Variants in KRAS observed in about 807,000 individuals in gnomAD.
The protein encoded by KRAS is KRas proto-oncogene, GTPase.
Under a neutral mutation model 21.0 loss-of-function variants are expected in KRAS, and 1 was observed. That is an observed-to-expected ratio of 0.05 (90% CI 0.02 to 0.23). KRAS has a LOEUF of 0.23. Ranked by LOEUF, KRAS falls within the 10% of genes least tolerant of loss-of-function variation. The pLI is 1.00. For synonymous variants in KRAS, 67 were observed against 72.5 expected (o/e 0.92, Z 0.39); for missense variants, 107 against 221.8 (o/e 0.48, Z 3.29).
intron 1 of KRAS, among the ~76,000 whole-genome samples, chr12:25,248,610 A>AG (rs1346105010): frequency 5.9e-5 from 9 of 151,832 alleles, no homozygotes; most frequent in Non-Finnish European, 1.3e-4. Context: ...GTTTCCAGAA[A>AG]AAAAAAAAAT....
At chr12:25,230,101 C>T (rs560915402) in intron 2 of KRAS, among the ~76,000 whole-genome samples, 1 of 152,218 alleles carries the variant, frequency 6.6e-6, no homozygotes, top group South Asian at 2.1e-4. Flanking sequence ...ATGAATTACT[C>T]TGTAGACCAT....
At chr12:25,222,470 C>G (rs2141500119) in intron 4 of KRAS, among the ~76,000 whole-genome samples, 1 of 152,050 alleles carries the variant, frequency 6.6e-6, no homozygotes, top group East Asian at 1.9e-4. Context: ...AATCAAAGAA[C>G]AGAAATTAAA....
At chr12:25,233,477 CAGGA>C (rs1400126998) in intron 2 of KRAS, among the ~76,000 whole-genome samples, 1 of 150,842 alleles carries the variant, frequency 6.6e-6, no homozygotes, top group African/African-American at 2.4e-5. Context: ...CTGCTTGAGC[CAGGA>C]AGGAAGAAAA....
chr12:25,235,172 GT>G lies in KRAS; in HGVS notation c.112-7761del, dbSNP rs916829150. The G allele has an allele frequency of 1.6e-5, 8 of 500,866 alleles. No homozygotes were observed. The Admixed American group carries it at 2.3e-4, about 14-fold the overall frequency. 31.0% of individuals were successfully genotyped at this position (500,866 alleles called of 1,614,324 possible). A position where few individuals can be genotyped will look rare whatever the true frequency, so the allele number is the denominator to read the frequency against. Reference sequence around the variant, plus strand: ...CGGGGATTTCCTCTTGAAATTGTATGTTTTCTTAATGTATTAAGTATTGTAA... The same window carrying G: ...CGGGGATTTCCTCTTGAAATTGTATGTTTCTTAATGTATTAAGTATTGTAA... On this transcript the variant is annotated intron_variant, in intron 2 of 4. Transcript: ENST00000311936.
At chr12:25,231,767 T>C (rs1422562823) in intron 2 of KRAS, among the ~76,000 whole-genome samples, 1 of 152,230 alleles carries the variant, frequency 6.6e-6, no homozygotes, top group African/African-American at 2.4e-5. Context: ...GAGTTAATTT[T>C]AACTAGGGTC....
chr12:25,234,258 G>A (rs1004841941), intron 2 of KRAS: 2 of 176,032 alleles, frequency 1.1e-5, no homozygotes, highest in African/African-American at 4.7e-5. Flanking sequence ...ACATTTATGG[G>A]AGGGAAGAAA....
chr12:25,246,075 G>C (rs1592823972), intron 1 of KRAS, among the ~76,000 whole-genome samples: 1 of 149,776 alleles, frequency 6.7e-6, no homozygotes, highest in Non-Finnish European at 1.5e-5. Flanking sequence ...GGGGAAAATA[G>C]GAGTCCGAGG....
In KRAS at chr12:25,228,178, CTTT is replaced by C. The variant is rs34584556; in HGVS notation, c.112-769_112-767del. Reference sequence around the variant, plus strand: ...GATTTTGGATTTTTTTTTCTTTCATCTTTTTTTTTTTTTTTTTTTTTTTGGAGA... The same window carrying C: ...GATTTTGGATTTTTTTTTCTTTCATCTTTTTTTTTTTTTTTTTTTTGGAGA... On this transcript the variant is annotated intron_variant, in intron 2 of 4. Transcript: ENST00000311936. 2.5e-4 allele frequency among the ~76,000 whole-genome samples: 19 copies of C among 76,778 alleles called. No homozygotes were observed. In the South Asian group the frequency reaches 3.9e-3, roughly 16 times the overall value. The allele number at this position is 76,778 out of a possible 152,430, so 50.4% of individuals were successfully genotyped here. A position where few individuals can be genotyped will look rare whatever the true frequency, so the allele number is the denominator to read the frequency against.
chr12:25,212,442 T>G (rs1392761793), intron 4 of KRAS, among the ~76,000 whole-genome samples: 4 of 152,188 alleles, frequency 2.6e-5, no homozygotes, highest in Non-Finnish European at 5.9e-5. Flanking sequence ...TAAGTAATTT[T>G]GGCCCAGTGC....
chr12:25,209,791 G>A lies in KRAS; in HGVS notation c.*4C>T. ...ATGCCTTAAGAAAAAAGTACAAATT[G>A]TATTTACATAATTACACACTTTGTC... On this transcript the variant is annotated 3_prime_UTR_variant, in exon 5 of 5. Coordinates refer to ENST00000311936, the MANE Select transcript of KRAS (RefSeq NM_004985.5). 6 of 1,605,656 alleles carry A rather than the reference G, an allele frequency of 3.7e-6. No homozygotes were observed. Among genetic ancestry groups the A allele is most frequent in the Non-Finnish European group, 5.1e-6 (6 of 1,173,660 alleles).
At chr12:25,247,893 C>T (rs1381259189) in intron 1 of KRAS, among the ~76,000 whole-genome samples, 2 of 152,076 alleles carry the variant, frequency 1.3e-5, no homozygotes, top group African/African-American at 4.8e-5. Context: ...AGTTATTTTT[C>T]ATAAAATATT....
At chr12:25,215,581 T>G in intron 4 of KRAS, 1 of 1,594,292 alleles carries the variant, frequency 6.3e-7, no homozygotes, top group Non-Finnish European at 8.6e-7. Context: ...AAACACAACT[T>G]CTTTAAAGTC....
rs4963858 is a variant in KRAS at position 25,207,204 on chromosome 12, T to C, written c.*2591A>G. ...GATACCATATACCCAGTGCCTTGTG[T>C]GGTGACTGGCATCTGGTAGGCACTC... On this transcript the variant is annotated 3_prime_UTR_variant, in exon 5 of 5. Transcript: ENST00000311936. 0.99 allele frequency: 208,159 copies of C among 209,644 alleles called. 103,360 individuals carry two copies. Among genetic ancestry groups the C allele is most frequent in the Middle Eastern group, 1 (666 of 666 alleles). The allele number at this position is 209,644 out of a possible 1,614,324, so 13.0% of individuals were successfully genotyped here. A position where few individuals can be genotyped will look rare whatever the true frequency, so the allele number is the denominator to read the frequency against.
At chr12:25,247,604 G>A (rs1342587849) in intron 1 of KRAS, among the ~76,000 whole-genome samples, 2 of 152,160 alleles carry the variant, frequency 1.3e-5, no homozygotes, top group Non-Finnish European at 2.9e-5. Context: ...AGTTTGCATA[G>A]CCTAAAACAG....
chr12:25,215,378 T>C, intron 4 of KRAS: 1 of 1,608,254 alleles, frequency 6.2e-7, no homozygotes, highest in Non-Finnish European at 8.5e-7. Context: ...GTTGCCACCT[T>C]GTTACCTTTA....
At chr12:25,228,720 CACA>C (rs895457212) in intron 2 of KRAS, among the ~76,000 whole-genome samples, 1 of 152,046 alleles carries the variant, frequency 6.6e-6, no homozygotes, top group African/African-American at 2.4e-5. Flanking sequence ...GTGATGGTTG[CACA>C]ACATTATGAA....
In KRAS at chr12:25,248,723, T is replaced by A. The variant is rs1236936694; in HGVS notation, c.-12+2028A>T. Among the ~76,000 whole-genome samples, 4 of 151,868 alleles carry A rather than the reference T, an allele frequency of 2.6e-5. No individual in the cohort carries two copies. In the East Asian group the frequency reaches 5.8e-4, roughly 22 times the overall value. The stretch of plus-strand genomic sequence containing the variant: ...ATGAAGATCATGGGCTGGGAGGGGA[T>A]CCCTCACCGAGAGTTAGAAAAGCTA... On this transcript the variant is annotated intron_variant, in intron 1 of 4. Transcript: ENST00000311936.
chr12:25,221,552 T>C (rs1565882619), intron 4 of KRAS, among the ~76,000 whole-genome samples: 1 of 152,030 alleles, frequency 6.6e-6, no homozygotes, highest in Non-Finnish European at 1.5e-5. Flanking sequence ...ATTTTTATAC[T>C]ATGCACAAGC....
chr12:25,210,969 T>C (rs1377257220), intron 4 of KRAS: 1 of 151,984 alleles, frequency 6.6e-6, no homozygotes, highest in Non-Finnish European at 1.5e-5. Context: ...AAAAGAAAAA[T>C]ATAAATAAAA....
Sources: allele counts gnomAD v4.1 joint callset (sites outside exome capture counted in the v4.1 genomes callset), GRCh38; gene constraint gnomAD v4.1.1; transcripts MANE v1.5; gene names NCBI Gene and HGNC (gene_info 2026-07-23, HGNC 2026-07-21).